The following COL14A1 variants were observed in gnomAD, a reference collection of about 807,000 sequenced individuals.
COL14A1 encodes collagen type XIV alpha 1 chain, also known as collagen alpha-1(XIV) chain.
COL14A1 carries 136 observed loss-of-function variants against 230.3 expected under a neutral mutation model. The observed-to-expected ratio is 0.59, with a 90% CI of 0.51 to 0.68. COL14A1 has a LOEUF of 0.68. Among genes scored for constraint, COL14A1 ranks in the 30% least tolerant of loss-of-function variants. The pLI is 0.00. For missense variants in COL14A1, 1,976 were observed against 2,215.8 expected (o/e 0.89, Z 2.17); for synonymous variants, 792 against 784.1 (o/e 1.01, Z -0.17).
intron 33 of COL14A1, 141 bp downstream of exon 33, chr8:120,286,111 C>T: frequency 1.7e-6 from 1 of 603,694 alleles, no homozygotes; most frequent in Non-Finnish European, 2.9e-6. Flanking sequence ...AATACCTGTG[C>T]TTGTTAACAG....
At chr8:120,160,069 T>A (rs1339470838) in intron 3 of COL14A1, among the ~76,000 whole-genome samples, 1 of 152,150 alleles carries the variant, frequency 6.6e-6, no homozygotes, top group African/African-American at 2.4e-5. Context: ...AGATGTCCAC[T>A]TTTCCCATGG....
In COL14A1 at chr8:120,225,197, C is replaced by T. The variant is rs1176907895; in HGVS notation, c.1847C>T (p.Thr616Ile). Reference protein sequence around the residue: ...IYDEGQSEPLTGVFTTEEVPA... With the variant: ...IYDEGQSEPLIGVFTTEEVPA... ...GATGAAGGACAGTCAGAGCCTCTGA[C>T]TGGAGTTTTTACCACCGGTAAGCAG... The change falls in exon 15 of 48, where the codon ACT becomes ATT. Residue 616 changes from threonine (T) to isoleucine (I), a missense_variant. Coordinates refer to ENST00000297848, the MANE Select transcript of COL14A1 (RefSeq NM_021110.4). The T allele has an allele frequency of 9.3e-6, 15 of 1,612,216 alleles. No individual in the cohort carries two copies. Among genetic ancestry groups the T allele is most frequent in the Non-Finnish European group, 1.0e-5 (12 of 1,179,462 alleles).
At chr8:120,211,515 T>G (rs1817615304) in intron 12 of COL14A1, among the ~76,000 whole-genome samples, 1 of 152,114 alleles carries the variant, frequency 6.6e-6, no homozygotes, top group South Asian at 2.1e-4. Flanking sequence ...TACATCAACC[T>G]TAGGGTGGAG....
At chr8:120,338,533 G>C (rs1310067048) in intron 42 of COL14A1, among the ~76,000 whole-genome samples, 2 of 151,962 alleles carry the variant, frequency 1.3e-5, no homozygotes, top group Non-Finnish European at 2.9e-5. Flanking sequence ...AAGAATAAAT[G>C]AGTTAATCTT....
chr8:120,248,814 C>T (rs1221677810), intron 21 of COL14A1, among the ~76,000 whole-genome samples: 1 of 151,750 alleles, frequency 6.6e-6, no homozygotes, highest in East Asian at 1.9e-4. Flanking sequence ...GTGATCACAC[C>T]ACTGCACTCC....
chr8:120,318,202 A>G (rs1821303672), intron 40 of COL14A1, among the ~76,000 whole-genome samples: 1 of 152,202 alleles, frequency 6.6e-6, no homozygotes, highest in African/African-American at 2.4e-5. Context: ...TTGAGCAGAT[A>G]TAATATGCCA....
chr8:120,257,829 T>C (rs1470311138), intron 23 of COL14A1, among the ~76,000 whole-genome samples: 1 of 152,190 alleles, frequency 6.6e-6, no homozygotes, highest in Admixed American at 6.5e-5. Context: ...GTCAAATCCT[T>C]ACAGTTTGAT....
intron 26 of COL14A1, among the ~76,000 whole-genome samples, chr8:120,273,099 G>T (rs1171312382): frequency 2.0e-5 from 3 of 151,640 alleles, no homozygotes; most frequent in African/African-American, 7.3e-5. Flanking sequence ...CATCTTCTCA[G>T]ACCACAATGG....
intron 7 of COL14A1, among the ~76,000 whole-genome samples, chr8:120,198,993 A>C (rs1350492831): frequency 2.6e-5 from 4 of 152,154 alleles, no homozygotes; most frequent in Non-Finnish European, 4.4e-5. Flanking sequence ...TTCTACTCCT[A>C]AAAAACAAAG....
Position 120,197,928 on chromosome 8 carries a change from C to T in COL14A1, c.710C>T (p.Thr237Ile). The change falls in exon 7 of 48, where the codon ACA (threonine) becomes ATA (isoleucine). Residue 237 changes from threonine (T) to isoleucine (I), a missense_variant and splice_region_variant. Around this residue, in one of 3 missense-constraint regions of COL14A1, gnomAD observed 1,791 missense variants for 2,019.5 expected, o/e 0.89. Coordinates refer to ENST00000297848, the MANE Select transcript of COL14A1 (RefSeq NM_021110.4). ...NLPYKGGNTL[T>I]GLALNYIFEN... ...CCATATAAAGGAGGAAATACACTAA[C>T]AGGTATGTTTTGTTCAATCCATGTT... The T allele has an allele frequency of 6.2e-7, 1 of 1,613,162 alleles. No individual in the cohort carries two copies. Among genetic ancestry groups the T allele is most frequent in the Non-Finnish European group, 8.5e-7 (1 of 1,179,380 alleles).
intron 34 of COL14A1, 76 bp from the exon 35 acceptor site, chr8:120,297,430 TATATA>T: frequency 1.5e-6 from 1 of 670,212 alleles, no homozygotes; most frequent in South Asian, 4.3e-5. Flanking sequence ...GGTATTCTGT[TATATA>T]ATACATAACA....
Position 120,217,803 on chromosome 8 carries a change from A to G in COL14A1, c.1737+1313A>G, listed in dbSNP as rs568945001. The stretch of plus-strand genomic sequence containing the variant: ...CTTTGTCACCAGAAATACATAAACT[A>G]CTTTCCCAAGGGTTAATTCAACTGT... On this transcript the variant is annotated intron_variant, in intron 14 of 47. Coordinates refer to ENST00000297848, the MANE Select transcript of COL14A1 (RefSeq NM_021110.4). Among the ~76,000 whole-genome samples, 6 of 151,846 alleles carry G rather than the reference A, an allele frequency of 4.0e-5. No individual in the cohort carries two copies. The South Asian group carries it at 1.0e-3, about 26-fold the overall frequency.
intron 40 of COL14A1, among the ~76,000 whole-genome samples, chr8:120,324,676 A>C (rs7001798): frequency 0.54 from 82,623 of 151,964 alleles, 24,190 homozygotes; most frequent in African/African-American, 0.78. Flanking sequence ...TCCCACTCTA[A>C]CCGAGAGTGT....
At chr8:120,351,989 A>G (rs1193532282) in intron 45 of COL14A1, among the ~76,000 whole-genome samples, 1 of 88,808 alleles carries the variant, frequency 1.1e-5, no homozygotes, top group Non-Finnish European at 2.1e-5. Context: ...AAAATCCTCA[A>G]TAAAATACTG....
chr8:120,199,881 T>G (rs1372903327), intron 8 of COL14A1, among the ~76,000 whole-genome samples: 1 of 152,044 alleles, frequency 6.6e-6, no homozygotes, highest in Non-Finnish European at 1.5e-5. Context: ...CAAGACTTTC[T>G]CTTAAGGGTC....
In COL14A1 at chr8:120,339,772, C is replaced by T. The variant is rs577249798; in HGVS notation, c.4786-1553C>T. On this transcript the variant is annotated intron_variant, in intron 42 of 47. Coordinates refer to ENST00000297848, the MANE Select transcript of COL14A1 (RefSeq NM_021110.4). ...AAAGTGTTGGCCAGGTGCAGTGGCT[C>T]ACTCCTGTAATCCCAGCACTTTGGT... is the stretch of plus-strand genomic sequence containing the variant. Among the ~76,000 whole-genome samples the T allele has an allele frequency of 3.9e-5, 6 of 152,092 alleles. No homozygotes were observed. In the South Asian group the frequency reaches 1.2e-3, roughly 32 times the overall value.
intron 2 of COL14A1, among the ~76,000 whole-genome samples, chr8:120,151,376 C>T (rs1278351446): frequency 2.0e-5 from 3 of 152,012 alleles, no homozygotes; most frequent in Non-Finnish European, 4.4e-5. Flanking sequence ...TCTGGTGGCT[C>T]ACGTCTATAA....
In COL14A1 at chr8:120,366,575, G is replaced by T. The variant is rs560607926; in HGVS notation, c.5078-596G>T. On this transcript the variant is annotated intron_variant, in intron 45 of 47. Coordinates refer to ENST00000297848, the MANE Select transcript of COL14A1 (RefSeq NM_021110.4). Reference sequence around the variant, plus strand: ...TTCTTTGTTGTTTGCCTGTGAAAATGTATAGTTTGTTAATAGCACTGTAAA... The same window carrying T: ...TTCTTTGTTGTTTGCCTGTGAAAATTTATAGTTTGTTAATAGCACTGTAAA... Among the ~76,000 whole-genome samples the T allele has an allele frequency of 2.0e-5, 3 of 152,334 alleles. No individual in the cohort carries two copies. In the East Asian group the frequency reaches 5.8e-4, roughly 29 times the overall value.
At position 120,227,283 on chromosome 8, in the gene COL14A1, G is replaced by A. The variant is rs1228810082; in HGVS notation, c.2068G>A (p.Glu690Lys). 1 of 1,614,090 alleles carries A rather than the reference G, an allele frequency of 6.2e-7. No homozygotes were observed. Among genetic ancestry groups the A allele is most frequent in the Admixed American group, 1.7e-5 (1 of 60,010 alleles). Reference protein sequence around the residue: ...IEGLEPGTEYEVSLLAVLDDG... With the variant: ...IEGLEPGTEYKVSLLAVLDDG... ...AGGCCTGGAGCCCGGTACGGAGTATGAAGTTTCACTATTGGCCGTACTTGA... is the reference window on the plus strand; with the variant it reads ...AGGCCTGGAGCCCGGTACGGAGTATAAAGTTTCACTATTGGCCGTACTTGA... The change falls in exon 17 of 48, where the codon GAA becomes AAA. Residue 690 changes from glutamate to lysine, a missense_variant. Physicochemically the swap from Glu to Lys is moderately conservative, Grantham distance 56. Around this residue, in one of 3 missense-constraint regions of COL14A1, gnomAD observed 1,791 missense variants for 2,019.5 expected, o/e 0.89. Coordinates refer to ENST00000297848, the MANE Select transcript of COL14A1 (RefSeq NM_021110.4).
Sources: allele counts gnomAD v4.1 joint callset (sites outside exome capture counted in the v4.1 genomes callset), GRCh38; gene constraint gnomAD v4.1.1; regional missense constraint gnomAD v4.1.1; transcripts MANE v1.5; gene names NCBI Gene and HGNC (gene_info 2026-07-23, HGNC 2026-07-21).